Variants in MECR observed in about 807,000 individuals in gnomAD.
MECR encodes mitochondrial trans-2-enoyl-CoA reductase.
A neutral mutation model predicts 49.1 loss-of-function variants in MECR; 37 were observed. That is an observed-to-expected ratio of 0.75 (90% CI 0.58 to 0.99). The LOEUF (loss-of-function observed/expected upper bound fraction) is 0.99, where lower values mean the gene tolerates loss of function less well. Ranked by LOEUF, MECR falls within the 50% of genes least tolerant of loss-of-function variation. The pLI, the probability that MECR is intolerant of heterozygous loss-of-function variation, is 0.00. For synonymous variants in MECR, 198 were observed against 191.1 expected, an observed-to-expected ratio of 1.04 and a Z score of -0.30; for missense variants, 470 against 479.6, an observed-to-expected ratio of 0.98 and a Z score of 0.19.
chr1:29,178,667 A>G, the MECR span, among the ~76,000 whole-genome samples: 1 of 152,118 alleles, frequency 6.6e-6, no homozygotes, highest in Admixed American at 6.6e-5. Flanking sequence ...TTCAATTACT[A>G]ATCACAATCT....
At chr1:29,195,332 C>G (rs1574235430) in intron 9 of MECR, among the ~76,000 whole-genome samples, 1 of 152,196 alleles carries the variant, frequency 6.6e-6, no homozygotes, top group Admixed American at 6.5e-5. Flanking sequence ...ATGCCACCAC[C>G]TTCCTCCCCT....
intron 3 of MECR, among the ~76,000 whole-genome samples, chr1:29,211,975 C>A (rs937557893): frequency 6.6e-6 from 1 of 152,202 alleles, no homozygotes; most frequent in Non-Finnish European, 1.5e-5. Context: ...GCAGTCTTCA[C>A]GAGAAGAAAG....
chr1:29,181,619 G>A, the MECR span: 2 of 1,561,354 alleles, frequency 1.3e-6, no homozygotes, highest in South Asian at 1.2e-5. Context: ...GTCCCCGCCC[G>A]GCCGGACCCT....
chr1:29,171,291 T>TA, the MECR span: 1 of 151,426 alleles, frequency 6.6e-6, no homozygotes, highest in Non-Finnish European at 1.5e-5. Context: ...CTACAGAGAC[T>TA]AAAGGCTGAA....
At chr1:29,175,773 A>T in the MECR span, among the ~76,000 whole-genome samples, 1 of 150,124 alleles carries the variant, frequency 6.7e-6, no homozygotes, top group South Asian at 2.1e-4. Flanking sequence ...TGGGTCTTTA[A>T]TTTTAACTAT....
chr1:29,214,301 T>A (rs2151891933), intron 3 of MECR, among the ~76,000 whole-genome samples: 1 of 151,808 alleles, frequency 6.6e-6, no homozygotes, highest in Non-Finnish European at 1.5e-5. Flanking sequence ...CCTCAGGTGA[T>A]CTGCCTGCCA....
At chr1:29,192,392 C>T (rs1673172370), downstream of MECR, among the ~76,000 whole-genome samples, 2 of 152,294 alleles carry the variant, frequency 1.3e-5, no homozygotes, top group Admixed American at 6.5e-5. Context: ...GACACTTCCT[C>T]TAGGAATCCT....
downstream of MECR, among the ~76,000 whole-genome samples, chr1:29,189,900 A>G (rs1673088092): frequency 6.6e-6 from 1 of 152,128 alleles, no homozygotes; most frequent in Non-Finnish European, 1.5e-5. Context: ...TCGGCTTCAG[A>G]TTGACTTGAT....
chr1:29,225,266 G>A (rs1354442477), intron 1 of MECR, among the ~76,000 whole-genome samples: 1 of 152,122 alleles, frequency 6.6e-6, no homozygotes, highest in South Asian at 2.1e-4. Context: ...AATACGGACT[G>A]ATCACACACA....
downstream of MECR, among the ~76,000 whole-genome samples, chr1:29,187,702 C>T (rs557329837): frequency 1.2e-3 from 183 of 150,560 alleles, 1 homozygote; most frequent in African/African-American, 4.3e-3. Flanking sequence ...TGGGTTCAAG[C>T]GATTCTCCTG....
chr1:29,204,944 C>T (rs1235462833), intron 4 of MECR, among the ~76,000 whole-genome samples: 1 of 152,248 alleles, frequency 6.6e-6, no homozygotes, highest in Non-Finnish European at 1.5e-5. Context: ...TGGACAGTGG[C>T]TGGGCACCAT....
chr1:29,201,964 G>A lies in MECR; in HGVS notation c.735C>T (p.Pro245=), dbSNP rs776847248. The change falls in exon 6 of 10, where the codon CCC becomes CCT. Residue 245 remains proline, a synonymous_variant. Coordinates refer to ENST00000263702, the MANE Select transcript of MECR (RefSeq NM_016011.5). The surrounding 1 kb of genome is among the most constrained non-coding windows in gnomAD (Gnocchi z 4.3). ...GTACCTTAAAGAAGTTTTTCATTTC[G>A]GGCCTTCTTAGCTCCTCTTCTGTGA... The part of the protein sequence containing the change: ...HVITEEELRR[P]EMKNFFKDMP... The A allele has an allele frequency of 1.9e-6, 3 of 1,613,844 alleles. No homozygotes were observed. The highest frequency in any genetic ancestry group is 1.1e-5 in the South Asian group (1 of 91,074).
At chr1:29,183,073 C>G in the MECR span, among the ~76,000 whole-genome samples, 1 of 152,168 alleles carries the variant, frequency 6.6e-6, no homozygotes, top group Admixed American at 6.5e-5. Flanking sequence ...GAAAGGATAA[C>G]TCAAGGTTCA....
chr1:29,225,589 C>T (rs1364113306), intron 1 of MECR, among the ~76,000 whole-genome samples: 2 of 152,140 alleles, frequency 1.3e-5, no homozygotes, highest in Admixed American at 6.5e-5. Flanking sequence ...GTGCCTTGCA[C>T]TCAGTAAACT....
chr1:29,216,872 C>A, intron 1 of MECR, 187 bp from the exon 2 acceptor site: 3 of 1,329,922 alleles, frequency 2.3e-6, no homozygotes, highest in Non-Finnish European at 2.9e-6. Context: ...TGGTGGCTCA[C>A]GCCTGTAATC....
rs889623690 is a variant in MECR, at chr1:29,201,967, C to T, written c.732G>A (p.Arg244=). The T allele has an allele frequency of 1.9e-6, 3 of 1,614,078 alleles. No individual in the cohort carries two copies. The highest frequency in any genetic ancestry group is 1.7e-6 in the Non-Finnish European group (2 of 1,179,978). ...CCTTAAAGAAGTTTTTCATTTCGGG[C>T]CTTCTTAGCTCCTCTTCTGTGATGA... ...EHVITEEELR[R]PEMKNFFKDM... is the part of the protein sequence containing the mutation. The change falls in exon 6 of 10, where the codon AGG becomes AGA. Residue 244 remains arginine, a synonymous_variant. Coordinates refer to ENST00000263702, the MANE Select transcript of MECR (RefSeq NM_016011.5). The surrounding 1 kb of genome is among the most constrained non-coding windows in gnomAD (Gnocchi z 4.3).
chr1:29,206,980 C>A, intron 3 of MECR, 75 bp from the exon 4 acceptor site: 1 of 1,549,422 alleles, frequency 6.5e-7, no homozygotes. Flanking sequence ...CCCTCCTTGG[C>A]CAAGAAGCAT....
At chr1:29,168,055 G>A in the MECR span, among the ~76,000 whole-genome samples, 4 of 145,386 alleles carry the variant, frequency 2.8e-5, no homozygotes, top group South Asian at 6.5e-4. Flanking sequence ...TCGCTCTGTC[G>A]CGCAGGCTGC....
chr1:29,168,327 G>A, the MECR span, among the ~76,000 whole-genome samples: 1 of 151,778 alleles, frequency 6.6e-6, no homozygotes, highest in Non-Finnish European at 1.5e-5. Context: ...CACCATGCCC[G>A]GCCTTCTACT....
Sources: gnomAD v4.1 joint callset for allele counts (sites outside exome capture counted in the v4.1 genomes callset) on GRCh38, gnomAD v4.1.1 for gene constraint, Gnocchi (gnomAD v3.1) non-coding constraint, MANE v1.5 for transcripts, NCBI Gene and HGNC (gene_info 2026-07-23, HGNC 2026-07-21) for gene names.